HS2ST1: variants seen among roughly 807,000 people sequenced by gnomAD.
HS2ST1 encodes the protein 2-O-sulfotransferase.
HS2ST1 carries 18 observed loss-of-function variants against 42.9 expected under a neutral mutation model. The observed-to-expected ratio is 0.42, with a 90% CI of 0.29 to 0.62. The LOEUF (loss-of-function observed/expected upper bound fraction) is 0.62. HS2ST1 is among the 20% of genes least tolerant of loss of function. The probability of loss-of-function intolerance (pLI) is 0.21; values close to 1 mark genes in which losing one functional copy is unlikely to be tolerated. For synonymous variants in HS2ST1, 146 were observed against 152.9 expected (o/e 0.95, Z 0.33); for missense variants, 334 against 433.8 (o/e 0.77, Z 2.04).
At position 87,091,549 on chromosome 1, in the gene HS2ST1, G is replaced by C. The variant is rs78264757; in HGVS notation, c.450-982G>C. 2.8e-3 allele frequency among the ~76,000 whole-genome samples: 429 copies of C among 152,072 alleles called. 1 individual carries two copies. Among genetic ancestry groups the C allele is most frequent in the African/African-American group, 9.8e-3 (408 of 41,536 alleles). On this transcript the variant is annotated intron_variant, in intron 3 of 6. Coordinates refer to ENST00000370550, the MANE Select transcript of HS2ST1 (RefSeq NM_012262.4). ...CCTTTGAGAATTGGTATGGAAGATAGATTGAAAGGGAGAGAAACTGAATGT... is the reference window on the plus strand; with the variant it reads ...CCTTTGAGAATTGGTATGGAAGATACATTGAAAGGGAGAGAAACTGAATGT...
intron 1 of HS2ST1, among the ~76,000 whole-genome samples, chr1:87,062,155 G>A (rs1267619822): frequency 6.6e-6 from 1 of 151,956 alleles, no homozygotes; most frequent in African/African-American, 2.4e-5. Flanking sequence ...CCTTAACTGT[G>A]TCCCACAAAT....
At chr1:87,034,202 G>GT (rs1650315054) in intron 1 of HS2ST1, among the ~76,000 whole-genome samples, 1 of 152,140 alleles carries the variant, frequency 6.6e-6, no homozygotes, top group Non-Finnish European at 1.5e-5. Flanking sequence ...AGTGAGGAAG[G>GT]TCACAGTAAA....
intron 1 of HS2ST1, among the ~76,000 whole-genome samples, chr1:86,947,658 A>G (rs140623646): frequency 1.8e-3 from 269 of 150,730 alleles, no homozygotes; most frequent in Middle Eastern, 6.8e-3. Context: ...CAGTGTGCCT[A>G]TCATAGGCCA....
At chr1:87,094,300 C>T (rs1166729343) in intron 4 of HS2ST1, among the ~76,000 whole-genome samples, 1 of 151,896 alleles carries the variant, frequency 6.6e-6, no homozygotes, top group African/African-American at 2.4e-5. Context: ...TTTTGTGGTT[C>T]CTAGCCTGTG....
Position 86,932,787 on chromosome 1 carries a change from CT to C in HS2ST1, c.124+17630del, listed in dbSNP as rs1335106216. On this transcript the variant is annotated intron_variant, in intron 1 of 6. Coordinates refer to ENST00000370550, the MANE Select transcript of HS2ST1 (RefSeq NM_012262.4). Reference sequence around the variant, plus strand: ...GGTTAGGTTATTGTGGTAAACCTGTCTTTCTCAGAAGCTTCTGAGCACAATT... The same window carrying C: ...GGTTAGGTTATTGTGGTAAACCTGTCTTCTCAGAAGCTTCTGAGCACAATT... 5.9e-5 allele frequency among the ~76,000 whole-genome samples: 9 copies of C among 152,204 alleles called. No individual in the cohort carries two copies. In the East Asian group the frequency reaches 1.5e-3, roughly 26 times the overall value.
intron 1 of HS2ST1, among the ~76,000 whole-genome samples, chr1:86,953,199 G>C (rs1218704019): frequency 6.6e-6 from 1 of 152,176 alleles, no homozygotes; most frequent in East Asian, 1.9e-4. Context: ...ACTTCTCTCA[G>C]CCTTCTTGGA....
chr1:87,074,747 CATAATGACCAACACT>C (rs1449544199), intron 2 of HS2ST1, among the ~76,000 whole-genome samples: 3 of 151,684 alleles, frequency 2.0e-5, no homozygotes, highest in Non-Finnish European at 2.9e-5. Context: ...AATTGGATTG[CATAATGACCAACACT>C]TAAAAAATGT....
At chr1:86,975,933 A>G (rs900645397) in intron 1 of HS2ST1, among the ~76,000 whole-genome samples, 1 of 152,194 alleles carries the variant, frequency 6.6e-6, no homozygotes, top group East Asian at 1.9e-4. Flanking sequence ...ACTTTGGAGG[A>G]TTTAAATAGT....
At chr1:87,052,017 C>G (rs1422293568) in intron 1 of HS2ST1, among the ~76,000 whole-genome samples, 1 of 152,148 alleles carries the variant, frequency 6.6e-6, no homozygotes, top group African/African-American at 2.4e-5. Flanking sequence ...TCTTGGGAGG[C>G]TGAGGTGGGC....
intron 1 of HS2ST1, among the ~76,000 whole-genome samples, chr1:86,998,909 C>G (rs540954250): frequency 7.2e-5 from 11 of 152,286 alleles, no homozygotes; most frequent in African/African-American, 2.6e-4. Flanking sequence ...TCCTCCTCCC[C>G]CATGCTGTCA....
intron 1 of HS2ST1, among the ~76,000 whole-genome samples, chr1:86,962,253 C>A (rs758012537): frequency 9.2e-5 from 14 of 152,142 alleles, no homozygotes; most frequent in Non-Finnish European, 1.3e-4. Flanking sequence ...TGTGGAATTA[C>A]AAAAACAGTA....
intron 4 of HS2ST1, among the ~76,000 whole-genome samples, chr1:87,094,069 A>T (rs192278106): frequency 3.9e-5 from 6 of 152,080 alleles, no homozygotes; most frequent in African/African-American, 1.4e-4. Context: ...ATGACTTACT[A>T]CTTTAGAATT....
intron 2 of HS2ST1, among the ~76,000 whole-genome samples, chr1:87,073,856 A>T (rs1651476882): frequency 6.6e-6 from 1 of 152,232 alleles, no homozygotes; most frequent in African/African-American, 2.4e-5. Context: ...ATGGAAGGGC[A>T]TGGGAATTCC....
chr1:87,058,464 G>A (rs1009566621), intron 1 of HS2ST1, among the ~76,000 whole-genome samples: 3 of 151,064 alleles, frequency 2.0e-5, no homozygotes, highest in Non-Finnish European at 4.4e-5. Flanking sequence ...TTTTTTTTAA[G>A]TTTTTTATGT....
chr1:87,035,960 T>C (rs752586132), intron 1 of HS2ST1, among the ~76,000 whole-genome samples: 5 of 152,154 alleles, frequency 3.3e-5, no homozygotes, highest in Non-Finnish European at 5.9e-5. Flanking sequence ...CTCCTAATGC[T>C]ATCCCTTTTC....
At chr1:87,073,224 A>G in intron 2 of HS2ST1, 52 bp downstream of exon 2, 1 of 1,247,650 alleles carries the variant, frequency 8.0e-7, no homozygotes, top group Non-Finnish European at 1.2e-6. Context: ...TCCTCACTCA[A>G]ATTTTCTAGC....
chr1:87,018,112 C>T (rs1036702133), intron 1 of HS2ST1, among the ~76,000 whole-genome samples: 1 of 145,268 alleles, frequency 6.9e-6, no homozygotes, highest in Non-Finnish European at 1.5e-5. Context: ...CTTTATTTAC[C>T]CTTCAAAGAT....
chr1:87,059,959 A>G (rs573271733), intron 1 of HS2ST1, among the ~76,000 whole-genome samples: 2 of 152,338 alleles, frequency 1.3e-5, no homozygotes, highest in East Asian at 3.9e-4. Context: ...GACCTACTTC[A>G]GACCTTACAA....
chr1:87,039,937 G>T (rs1432456185), intron 1 of HS2ST1, among the ~76,000 whole-genome samples: 1 of 152,158 alleles, frequency 6.6e-6, no homozygotes, highest in Admixed American at 6.5e-5. Context: ...AATTTGTGTA[G>T]TCTAATTAGT....
Sources: allele counts gnomAD v4.1 joint callset (sites outside exome capture counted in the v4.1 genomes callset), GRCh38; gene constraint gnomAD v4.1.1; transcripts MANE v1.5; gene names NCBI Gene and HGNC (gene_info 2026-07-23, HGNC 2026-07-21).